Variants in TPP2 observed in about 807,000 individuals in gnomAD.
The protein encoded by TPP2 is tripeptidyl peptidase 2.
Under a neutral mutation model 155.9 loss-of-function variants are expected in TPP2, and 34 were observed. That is an observed-to-expected ratio of 0.22 (90% CI 0.17 to 0.29). TPP2 has a LOEUF of 0.29. Ranked by LOEUF, TPP2 falls within the 10% of genes least tolerant of loss-of-function variation. The pLI is 1.00. For synonymous variants in TPP2, 510 were observed against 529.4 expected (o/e 0.96, Z 0.50); for missense variants, 1,028 against 1,522.3 (o/e 0.68, Z 5.40).
chr13:102,631,468 A>G (rs887177351), intron 10 of TPP2: 1 of 152,246 alleles, frequency 6.6e-6, no homozygotes, highest in African/African-American at 2.4e-5. Context: ...AAAGTCAGCA[A>G]AGCTTGATGT....
chr13:102,605,064 G>T, intron 2 of TPP2, 143 bp downstream of exon 2: 1 of 1,322,102 alleles, frequency 7.6e-7, no homozygotes, highest in Non-Finnish European at 1.0e-6. Flanking sequence ...GGTTTAAAAT[G>T]ACAAATATTT....
intron 2 of TPP2, among the ~76,000 whole-genome samples, chr13:102,609,044 A>G (rs779270054): frequency 6.6e-6 from 1 of 152,174 alleles, no homozygotes; most frequent in Non-Finnish European, 1.5e-5. Flanking sequence ...AGAAGTCCTT[A>G]GCCCATTTGG....
intron 23 of TPP2, among the ~76,000 whole-genome samples, chr13:102,650,657 A>C (rs1351043748): frequency 1.3e-5 from 2 of 152,204 alleles, no homozygotes; most frequent in Non-Finnish European, 2.9e-5. Flanking sequence ...ATGACAGATG[A>C]CACTTTGAAG....
chr13:102,635,752 A>G, intron 12 of TPP2, 50 bp downstream of exon 12: 1 of 1,332,838 alleles, frequency 7.5e-7, no homozygotes, highest in Non-Finnish European at 1.1e-6. Context: ...TTGAGATAAT[A>G]TCTTAGATAT....
intron 5 of TPP2, among the ~76,000 whole-genome samples, chr13:102,619,448 C>CA (rs543637192): frequency 1.4e-5 from 2 of 143,014 alleles, no homozygotes; most frequent in Non-Finnish European, 3.0e-5. Context: ...AAAAAAAAAA[C>CA]AAACAAACAG....
At chr13:102,655,316 A>AT (rs1883783375) in intron 24 of TPP2, among the ~76,000 whole-genome samples, 1 of 152,092 alleles carries the variant, frequency 6.6e-6, no homozygotes, top group African/African-American at 2.4e-5. Flanking sequence ...TTGCAGTATT[A>AT]TTTTTTTACT....
At chr13:102,612,998 T>C (rs997597899) in intron 2 of TPP2, among the ~76,000 whole-genome samples, 6 of 152,232 alleles carry the variant, frequency 3.9e-5, no homozygotes, top group Non-Finnish European at 1.5e-5. Flanking sequence ...ACTTCCCTTT[T>C]TGTTGTTGCA....
rs902290439 is a variant in TPP2, at chr13:102,678,960, C to T, written c.*644C>T. On this transcript the variant is annotated 3_prime_UTR_variant, in exon 30 of 30. Transcript: ENST00000376052. ...TTTCACATCCTCTTGAGGTTCAGAG[C>T]ATCAGAATGAACTCTATGAATACAT... The T allele has an allele frequency of 6.6e-6, 1 of 152,570 alleles. No individual in the cohort carries two copies. Among genetic ancestry groups the T allele is most frequent in the Middle Eastern group, 3.4e-3 (1 of 294 alleles). 9.5% of individuals were successfully genotyped at this position (152,570 alleles called of 1,614,324 possible).
rs531215155 is a variant in TPP2, at chr13:102,672,200, G to A, written c.3372-2083G>A. On this transcript the variant is annotated intron_variant, in intron 27 of 29. Transcript: ENST00000376052. ...AGCAGGCTAGGGACTGCCGGCACTA[G>A]GGGCCGAAGAGAGTTAGCAGTCCCC... Among the ~76,000 whole-genome samples, 7 of 152,286 alleles carry A rather than the reference G, an allele frequency of 4.6e-5. No homozygotes were observed. The South Asian group carries it at 1.5e-3, about 32-fold the overall frequency.
At chr13:102,606,006 G>T (rs1454074531) in intron 2 of TPP2, among the ~76,000 whole-genome samples, 1 of 152,162 alleles carries the variant, frequency 6.6e-6, no homozygotes, top group African/African-American at 2.4e-5. Flanking sequence ...ATAGGCGTGA[G>T]CCAGGGCACT....
At chr13:102,633,490 T>G (rs1368214400) in intron 10 of TPP2, among the ~76,000 whole-genome samples, 2 of 152,218 alleles carry the variant, frequency 1.3e-5, no homozygotes, top group African/African-American at 4.8e-5. Flanking sequence ...CATTAATGTC[T>G]TGTTAGCTTT....
intron 25 of TPP2, among the ~76,000 whole-genome samples, chr13:102,663,422 A>G (rs1278258878): frequency 6.6e-6 from 1 of 152,254 alleles, no homozygotes; most frequent in Non-Finnish European, 1.5e-5. Context: ...CTGGGATTAC[A>G]GGGGTGAGCC....
chr13:102,623,006 T>G lies in TPP2; in HGVS notation c.750T>G (p.Asp250Glu), dbSNP rs746429635. The G allele has an allele frequency of 6.2e-7, 1 of 1,613,768 alleles. No individual in the cohort carries two copies. Among genetic ancestry groups the G allele is most frequent in the Non-Finnish European group, 8.5e-7 (1 of 1,179,946 alleles). ...TGAATTACTCCGTTAATATATACGA[T>G]GATGGAAACCTGCTCTCCATTGTGA... ...EMLNYSVNIY[D>E]DGNLLSIVTS... The change falls in exon 6 of 30, where the codon GAT becomes GAG. Residue 250 changes from aspartate to glutamate, a missense_variant. Around this residue, in one of 7 missense-constraint regions of TPP2, gnomAD observed 300 missense variants for 398.3 expected, o/e 0.75. Transcript: ENST00000376052.
At chr13:102,635,323 T>C (rs1387597931) in intron 11 of TPP2, among the ~76,000 whole-genome samples, 1 of 152,158 alleles carries the variant, frequency 6.6e-6, no homozygotes, top group Non-Finnish European at 1.5e-5. Flanking sequence ...CTTTGTACGT[T>C]TATATTACGC....
chr13:102,624,431 A>AT (rs1362861750), intron 6 of TPP2, among the ~76,000 whole-genome samples: 3 of 152,196 alleles, frequency 2.0e-5, no homozygotes, highest in African/African-American at 7.2e-5. Flanking sequence ...ATATATCAGT[A>AT]TATCCAGGAA....
At chr13:102,618,148 T>G (rs1287254859) in intron 4 of TPP2, among the ~76,000 whole-genome samples, 1 of 152,350 alleles carries the variant, frequency 6.6e-6, no homozygotes, top group African/African-American at 2.4e-5. Flanking sequence ...AGTGTGTACG[T>G]AATCGAATTT....
At chr13:102,635,918 A>T (rs934016399) in intron 12 of TPP2, among the ~76,000 whole-genome samples, 2 of 152,200 alleles carry the variant, frequency 1.3e-5, no homozygotes, top group African/African-American at 4.8e-5. Context: ...GATGGAGGCC[A>T]TGTAGAGGTT....
rs143440501 is a variant in TPP2 at position 102,614,019 on chromosome 13, A to G, written c.295-82A>G. 618 of 1,179,214 alleles carry G rather than the reference A, an allele frequency of 5.2e-4. 1 individual carries two copies. The African/African-American group carries it at 8.5e-3, about 16-fold the overall frequency. The allele number at this position is 1,179,214 out of a possible 1,614,324, so 73.0% of individuals were successfully genotyped here. A position where few individuals can be genotyped will look rare whatever the true frequency, so the allele number is the denominator to read the frequency against. ...ATTTAAGCTTATTAGAGTAGAAGTAATATACTTTTTTGCTCAGTAGTGTAT... is the reference window on the plus strand; with the variant it reads ...ATTTAAGCTTATTAGAGTAGAAGTAGTATACTTTTTTGCTCAGTAGTGTAT... On this transcript the variant is annotated intron_variant, in intron 2 of 29. Coordinates refer to ENST00000376052, the MANE Select transcript of TPP2 (RefSeq NM_001330588.2).
chr13:102,627,957 A>T, intron 8 of TPP2, 33 bp downstream of exon 8: 1 of 1,546,126 alleles, frequency 6.5e-7, no homozygotes, highest in Non-Finnish European at 8.9e-7. Context: ...TTAGCCATAG[A>T]ACCTTAGCCA....
Sources: allele counts gnomAD v4.1 joint callset (sites outside exome capture counted in the v4.1 genomes callset), GRCh38; gene constraint gnomAD v4.1.1; regional missense constraint gnomAD v4.1.1; transcripts MANE v1.5; gene names NCBI Gene and HGNC (gene_info 2026-07-23, HGNC 2026-07-21).